IGSF5: variants seen among roughly 807,000 people sequenced by gnomAD.
IGSF5 encodes the protein immunoglobulin superfamily 5 like.
IGSF5 carries 41 observed loss-of-function variants against 39.4 expected under a neutral mutation model. The ratio of observed to expected loss-of-function variants is 1.04; its 90% CI spans 0.81 to 1.35. The LOEUF is 1.35. Ranked by LOEUF, IGSF5 falls within the 40% of genes most tolerant of loss-of-function variation. The pLI is 0.00. For missense variants in IGSF5, 487 were observed against 494.6 expected (o/e 0.98, Z 0.15); for synonymous variants, 183 against 175.3 (o/e 1.04, Z -0.34).
chr21:39,713,364 TG>T, the IGSF5 span, among the ~76,000 whole-genome samples: 8 of 152,182 alleles, frequency 5.3e-5, no homozygotes, highest in Non-Finnish European at 7.4e-5. Context: ...CAGGTCATGG[TG>T]GGCTGGCTGC....
chr21:39,763,447 T>C (rs1212543210), intron 2 of IGSF5, among the ~76,000 whole-genome samples: 3 of 152,170 alleles, frequency 2.0e-5, no homozygotes, highest in African/African-American at 4.8e-5. Context: ...CCCTCCTCCC[T>C]CCTTTTCATC....
intron 5 of IGSF5, among the ~76,000 whole-genome samples, chr21:39,783,554 T>G (rs2080182205): frequency 6.6e-6 from 1 of 152,210 alleles, no homozygotes; most frequent in Admixed American, 6.5e-5. Context: ...GACCATTAAC[T>G]CATTTTAACA....
intron 3 of IGSF5, among the ~76,000 whole-genome samples, chr21:39,768,243 G>C (rs2837189): frequency 0.21 from 31,476 of 149,484 alleles, 4,415 homozygotes; most frequent in Non-Finnish European, 0.32. Context: ...TCCTAGAGGA[G>C]CAAATGTTCT....
chr21:39,762,150 G>C (rs1168047187), intron 2 of IGSF5, among the ~76,000 whole-genome samples: 1 of 152,186 alleles, frequency 6.6e-6, no homozygotes, highest in Admixed American at 6.5e-5. Context: ...GCCAGCAGAG[G>C]CCAGGATGTT....
intron 5 of IGSF5, among the ~76,000 whole-genome samples, chr21:39,780,716 G>A (rs2080165934): frequency 1.3e-5 from 2 of 152,172 alleles, no homozygotes; most frequent in South Asian, 4.1e-4. Flanking sequence ...CTTGCTTGCG[G>A]TTGGGATCAA....
At chr21:39,730,595 G>A in the IGSF5 span, 7 of 152,074 alleles carry the variant, frequency 4.6e-5, no homozygotes, top group South Asian at 2.1e-4. Context: ...CTTGAGCAAC[G>A]ACCAGCTCTT....
chr21:39,772,497 C>T (rs1360380612), intron 4 of IGSF5, among the ~76,000 whole-genome samples: 2 of 152,178 alleles, frequency 1.3e-5, no homozygotes, highest in South Asian at 2.1e-4. Flanking sequence ...GGGCTGGTTC[C>T]TCCTGAGGGC....
At chr21:39,763,755 G>T (rs1201306707) in intron 2 of IGSF5, among the ~76,000 whole-genome samples, 1 of 152,152 alleles carries the variant, frequency 6.6e-6, no homozygotes, top group Non-Finnish European at 1.5e-5. Flanking sequence ...GAGGAGTGTG[G>T]TTATTACATC....
At chr21:39,757,683 T>G (rs1601124176) in intron 2 of IGSF5, among the ~76,000 whole-genome samples, 1 of 152,084 alleles carries the variant, frequency 6.6e-6, no homozygotes, top group East Asian at 1.9e-4. Context: ...TTCAAGCGAT[T>G]CTCCTGCCTC....
At chr21:39,765,080 G>A (rs2080079310) in intron 2 of IGSF5, among the ~76,000 whole-genome samples, 1 of 152,106 alleles carries the variant, frequency 6.6e-6, no homozygotes, top group Non-Finnish European at 1.5e-5. Context: ...TCCAGTCTCT[G>A]CATCCGTCCT....
the IGSF5 span, among the ~76,000 whole-genome samples, chr21:39,723,468 C>T: frequency 1.3e-5 from 2 of 152,158 alleles, no homozygotes; most frequent in South Asian, 4.1e-4. Flanking sequence ...GTTAGAGAAG[C>T]AAGTCAGAAG....
chr21:39,780,563 G>A (rs2080165065), intron 5 of IGSF5, among the ~76,000 whole-genome samples: 2 of 152,140 alleles, frequency 1.3e-5, no homozygotes, highest in Non-Finnish European at 2.9e-5. Context: ...CCCTTTGTAG[G>A]TGAATGTTAA....
At chr21:39,768,648 C>G (rs2080098312) in intron 3 of IGSF5, among the ~76,000 whole-genome samples, 1 of 152,178 alleles carries the variant, frequency 6.6e-6, no homozygotes, top group African/African-American at 2.4e-5. Flanking sequence ...TATCATTCCT[C>G]CCAGTTCTGT....
chr21:39,777,553 T>G (rs1050846766), intron 4 of IGSF5, among the ~76,000 whole-genome samples: 1 of 151,934 alleles, frequency 6.6e-6, no homozygotes, highest in South Asian at 2.1e-4. Flanking sequence ...ATGGGAAGGG[T>G]GTAATCTGTT....
chr21:39,745,692 C>A lies in IGSF5; in HGVS notation c.17+166C>A, dbSNP rs557403912. 3.3e-5 allele frequency among the ~76,000 whole-genome samples: 5 copies of A among 152,208 alleles called. No individual in the cohort carries two copies. The East Asian group carries it at 9.7e-4, about 30-fold the overall frequency. On this transcript the variant is annotated intron_variant, in intron 1 of 8. Transcript: ENST00000380588. ...AGCTGGCTCCAGGCAGACCAATGTCCCCAACAACCCCAGAAGGGTTGGGGG... is the reference window on the plus strand; with the variant it reads ...AGCTGGCTCCAGGCAGACCAATGTCACCAACAACCCCAGAAGGGTTGGGGG...
At chr21:39,791,892 T>C (rs2086967506) in intron 6 of IGSF5, 116 bp from the exon 7 acceptor site, 10 of 675,502 alleles carry the variant, frequency 1.5e-5, no homozygotes, top group East Asian at 2.7e-5. Context: ...TTAAGTTCAA[T>C]GTGTAAGCAT....
intron 2 of IGSF5, among the ~76,000 whole-genome samples, chr21:39,763,162 A>C (rs1422582130): frequency 6.6e-6 from 1 of 152,202 alleles, no homozygotes; most frequent in East Asian, 1.9e-4. Flanking sequence ...CTTGAGGCAC[A>C]GCTGCGGCGT....
chr21:39,782,216 A>G (rs2146288512), intron 5 of IGSF5, among the ~76,000 whole-genome samples: 1 of 152,234 alleles, frequency 6.6e-6, no homozygotes, highest in Non-Finnish European at 1.5e-5. Flanking sequence ...CTTACACTGT[A>G]CTGTTTTAAT....
At chr21:39,768,422 A>G (rs751384324) in intron 3 of IGSF5, among the ~76,000 whole-genome samples, 1 of 152,258 alleles carries the variant, frequency 6.6e-6, no homozygotes, top group African/African-American at 2.4e-5. Context: ...TCACTTTTGT[A>G]TAAAGGGTTT....
Sources: allele counts gnomAD v4.1 joint callset (sites outside exome capture counted in the v4.1 genomes callset), GRCh38; gene constraint gnomAD v4.1.1; transcripts MANE v1.5; gene names NCBI Gene and HGNC (gene_info 2026-07-23, HGNC 2026-07-21).